The following SLC12A2 variants were observed in gnomAD, a reference collection of about 807,000 sequenced individuals.
The protein encoded by SLC12A2 is Na-K-2Cl cotransporter 1.
In SLC12A2, 67 loss-of-function variants were observed where a neutral mutation model predicts 136.3. The observed-to-expected ratio is 0.49, with a 90% CI of 0.40 to 0.60. The LOEUF (loss-of-function observed/expected upper bound fraction) is 0.60, where lower values mean the gene tolerates loss of function less well. Among genes scored for constraint, SLC12A2 ranks in the 20% least tolerant of loss-of-function variants. The probability of loss-of-function intolerance (pLI) is 0.00; values close to 1 mark genes in which losing one functional copy is unlikely to be tolerated. For missense variants in SLC12A2, 1,322 were observed against 1,534.7 expected (o/e 0.86, Z 2.32); for synonymous variants, 619 against 562.9 (o/e 1.10, Z -1.41).
Position 128,115,285 on chromosome 5 carries a change from C to T in SLC12A2, c.1048+604C>T, listed in dbSNP as rs140928109. ...GATTACAGACGTGCACCACCACGCC[C>T]GGCTAATTTTTGTATTTTTAGTAGA... On this transcript the variant is annotated intron_variant, in intron 4 of 26. Coordinates refer to ENST00000262461, the MANE Select transcript of SLC12A2 (RefSeq NM_001046.3). Among the ~76,000 whole-genome samples, 12 of 152,174 alleles carry T rather than the reference C, an allele frequency of 7.9e-5. No homozygotes were observed. The South Asian group carries it at 1.0e-3, about 13-fold the overall frequency.
chr5:128,176,454 G>C (rs1283250496), intron 20 of SLC12A2, among the ~76,000 whole-genome samples: 6 of 151,840 alleles, frequency 4.0e-5, no homozygotes, highest in Non-Finnish European at 8.8e-5. Flanking sequence ...AACAAAATGA[G>C]ATTAGGAAAA....
chr5:128,180,665 A>G (rs1027616109), intron 22 of SLC12A2, among the ~76,000 whole-genome samples: 2 of 152,184 alleles, frequency 1.3e-5, no homozygotes, highest in African/African-American at 4.8e-5. Flanking sequence ...CCAGGCCACT[A>G]TCCCATTTGG....
intron 2 of SLC12A2, among the ~76,000 whole-genome samples, chr5:128,113,412 T>G (rs1761228055): frequency 6.6e-6 from 1 of 152,190 alleles, no homozygotes; most frequent in African/African-American, 2.4e-5. Flanking sequence ...TTGAGTTCAC[T>G]TTGTGCATAG....
At chr5:128,102,419 TA>T (rs1233000963) in intron 1 of SLC12A2, among the ~76,000 whole-genome samples, 2 of 152,034 alleles carry the variant, frequency 1.3e-5, no homozygotes, top group Admixed American at 6.6e-5. Flanking sequence ...TGTTATTTTT[TA>T]TAATGATTTT....
intron 9 of SLC12A2, 99 bp from the exon 10 acceptor site, chr5:128,141,731 T>A (rs1762369210): frequency 5.5e-6 from 5 of 912,690 alleles, no homozygotes. Context: ...AGATATGTAG[T>A]CACTACTTTG....
At chr5:128,113,938 C>T (rs190889638) in intron 2 of SLC12A2, among the ~76,000 whole-genome samples, 17 of 152,184 alleles carry the variant, frequency 1.1e-4, no homozygotes, top group Admixed American at 1.0e-3. Context: ...CTTTCTTGTT[C>T]TGTTGCTTCT....
chr5:128,114,515 A>G (rs1206851455), intron 3 of SLC12A2, 71 bp from the exon 4 acceptor site: 1 of 1,075,492 alleles, frequency 9.3e-7, no homozygotes, highest in Non-Finnish European at 1.4e-6. Flanking sequence ...TTCTTAGACC[A>G]ACCAGTTTTA....
At chr5:128,141,618 A>G (rs1426297601) in intron 9 of SLC12A2, among the ~76,000 whole-genome samples, 1 of 152,194 alleles carries the variant, frequency 6.6e-6, no homozygotes. Flanking sequence ...TATTCTTTAT[A>G]AAAGGTTCAG....
At chr5:128,095,225 G>A (rs942859325) in intron 1 of SLC12A2, among the ~76,000 whole-genome samples, 3 of 152,126 alleles carry the variant, frequency 2.0e-5, no homozygotes, top group Non-Finnish European at 2.9e-5. Context: ...TTAAAGGCCT[G>A]TGAATAATTT....
chr5:128,186,459 G>GA, intron 26 of SLC12A2, 37 bp from the exon 27 acceptor site: 1 of 1,448,044 alleles, frequency 6.9e-7, no homozygotes, highest in South Asian at 1.3e-5. Flanking sequence ...GCATTGCTCA[G>GA]GGTTTTTTTT....
At chr5:128,140,490 T>A (rs1355052405) in intron 9 of SLC12A2, among the ~76,000 whole-genome samples, 2 of 152,244 alleles carry the variant, frequency 1.3e-5, no homozygotes, top group African/African-American at 2.4e-5. Context: ...CATAATTGAT[T>A]ATGTTTTAAC....
At chr5:128,177,414 TTTTAA>T in intron 21 of SLC12A2, 1 of 292,236 alleles carries the variant, frequency 3.4e-6, no homozygotes, top group Non-Finnish European at 6.3e-6. Flanking sequence ...TATTAATTTT[TTTTAA>T]TTTAAACTGC....
chr5:128,141,871 A>G lies in SLC12A2; in HGVS notation c.1663A>G (p.Thr555Ala), dbSNP rs764558932. 5 of 1,613,688 alleles carry G rather than the reference A, an allele frequency of 3.1e-6. No homozygotes were observed. The highest frequency in any genetic ancestry group is 2.2e-5 in the East Asian group (1 of 44,844). ...VRDATGNVND[T>A]IVTELTNCTS... ...AGATGCCACTGGAAACGTTAATGAC[A>G]CTATCGTAACAGAGCTAACAAACTG... The change falls in exon 10 of 27, where the codon ACT becomes GCT. Residue 555 changes from threonine (T) to alanine (A), a missense_variant. Physicochemically the swap from Thr to Ala is moderately conservative, Grantham distance 58. Around this residue, in one of 8 missense-constraint regions of SLC12A2, gnomAD observed 294 missense variants for 436.6 expected, o/e 0.67. Coordinates refer to ENST00000262461, the MANE Select transcript of SLC12A2 (RefSeq NM_001046.3).
At chr5:128,144,089 A>G (rs1023973679) in intron 10 of SLC12A2, among the ~76,000 whole-genome samples, 3 of 152,086 alleles carry the variant, frequency 2.0e-5, no homozygotes, top group African/African-American at 7.2e-5. Flanking sequence ...ATTCAGGCCA[A>G]TTCTGACATT....
At chr5:128,110,196 G>T in intron 1 of SLC12A2, 1 of 810,710 alleles carries the variant, frequency 1.2e-6, no homozygotes, top group South Asian at 1.3e-5. Flanking sequence ...TAATTTGGCA[G>T]ACTGGCCTTT....
At position 128,171,749 on chromosome 5, in the gene SLC12A2, A is replaced by C; in HGVS notation, c.2803+3A>C. On this transcript the variant is annotated splice_donor_region_variant and intron_variant, in intron 19 of 26. Coordinates refer to ENST00000262461, the MANE Select transcript of SLC12A2 (RefSeq NM_001046.3). The stretch of plus-strand genomic sequence containing the variant: ...TATATCTCATCTTCAAGGACAAGGT[A>C]AATTTTGTTGGCAATAAGTTTTTTA... 1 of 1,552,826 alleles carries C rather than the reference A, an allele frequency of 6.4e-7. No individual in the cohort carries two copies. The highest frequency in any genetic ancestry group is 8.7e-7 in the Non-Finnish European group (1 of 1,150,736).
chr5:128,114,493 G>T, intron 3 of SLC12A2, 93 bp from the exon 4 acceptor site: 1 of 892,156 alleles, frequency 1.1e-6, no homozygotes, highest in Non-Finnish European at 1.8e-6. Flanking sequence ...AACTTAAAAT[G>T]TAGATTCAGT....
chr5:128,124,609 A>T (rs1761713625), intron 4 of SLC12A2, among the ~76,000 whole-genome samples: 5 of 152,060 alleles, frequency 3.3e-5, no homozygotes, highest in Admixed American at 2.0e-4. Context: ...AGCTTCCATG[A>T]CCTCTCCAAG....
Position 128,182,956 on chromosome 5 carries a change from A to G in SLC12A2, c.3299+15A>G, listed in dbSNP as rs889977904. The G allele has an allele frequency of 5.2e-6, 8 of 1,536,250 alleles. No homozygotes were observed. Among genetic ancestry groups the G allele is most frequent in the Non-Finnish European group, 6.3e-6 (7 of 1,114,768 alleles). ...AAGAAAGAAAAGTAAGTTACTCTACAAATTTCTGATCCCTTTATAGATGGC... is the reference window on the plus strand; with the variant it reads ...AAGAAAGAAAAGTAAGTTACTCTACGAATTTCTGATCCCTTTATAGATGGC... On this transcript the variant is annotated intron_variant, in intron 24 of 26. Coordinates refer to ENST00000262461, the MANE Select transcript of SLC12A2 (RefSeq NM_001046.3).
Sources: allele counts gnomAD v4.1 joint callset (sites outside exome capture counted in the v4.1 genomes callset), GRCh38; gene constraint gnomAD v4.1.1; regional missense constraint gnomAD v4.1.1; transcripts MANE v1.5; gene names NCBI Gene and HGNC (gene_info 2026-07-23, HGNC 2026-07-21).